The following IL17RD variants were observed in gnomAD, a reference collection of about 807,000 sequenced individuals.
IL17RD encodes the protein interleukin-17 receptor D.
Under a neutral mutation model 80.5 loss-of-function variants are expected in IL17RD, and 52 were observed. The observed-to-expected ratio is 0.65, with a 90% CI of 0.52 to 0.81. IL17RD has a LOEUF of 0.81. Among genes scored for constraint, IL17RD ranks in the 40% least tolerant of loss-of-function variants. IL17RD has a pLI of 0.00. For synonymous variants in IL17RD, 416 were observed against 391.8 expected (o/e 1.06, Z -0.73); for missense variants, 1,024 against 955.1 (o/e 1.07, Z -0.95).
chr3:57,105,701 T>C (rs931309591), intron 7 of IL17RD, among the ~76,000 whole-genome samples, 156 bp downstream of exon 7: 2 of 151,966 alleles, frequency 1.3e-5, no homozygotes, highest in Admixed American at 1.3e-4. Flanking sequence ...AGTGGCAAGA[T>C]GGCCCTGAGA....
intron 8 of IL17RD, among the ~76,000 whole-genome samples, chr3:57,103,567 A>G (rs893071156): frequency 6.6e-6 from 1 of 152,214 alleles, no homozygotes; most frequent in African/African-American, 2.4e-5. Flanking sequence ...GTTTCTACCA[A>G]AATGTTAAGA....
Position 57,107,357 on chromosome 3 carries a change from C to T in IL17RD, c.551-1203G>A, listed in dbSNP as rs1229138225. Among the ~76,000 whole-genome samples, 4 of 147,498 alleles carry T rather than the reference C, an allele frequency of 2.7e-5. No individual in the cohort carries two copies. In the South Asian group the frequency reaches 6.6e-4, roughly 24 times the overall value. On this transcript the variant is annotated intron_variant, in intron 5 of 12. Transcript: ENST00000296318. ...TCATGCCACTGCACTCCAGCCTGGG[C>T]GACAGAGCGAAACTCCATCTCGAAA...
intron 8 of IL17RD, 41 bp downstream of exon 8, chr3:57,104,281 AATTCTATATGAACTGGGTTC>A: frequency 1.7e-6 from 2 of 1,153,094 alleles, no homozygotes; most frequent in South Asian, 2.7e-5. Flanking sequence ...AAACAGTTGG[AATTCTATATGAACTGGGTTC>A]ATTCTATAGC....
intron 5 of IL17RD, among the ~76,000 whole-genome samples, chr3:57,109,134 G>GT (rs1328634718): frequency 6.6e-6 from 1 of 152,106 alleles, no homozygotes; most frequent in Non-Finnish European, 1.5e-5. Context: ...TATTTGGCAT[G>GT]TTTTTTGTTT....
chr3:57,104,093 C>A lies in IL17RD; in HGVS notation c.813+249G>T, dbSNP rs1208456834. Among the ~76,000 whole-genome samples, 4 of 151,930 alleles carry A rather than the reference C, an allele frequency of 2.6e-5. No homozygotes were observed. In the East Asian group the frequency reaches 7.7e-4, roughly 29 times the overall value. On this transcript the variant is annotated intron_variant, in intron 8 of 12. Coordinates refer to ENST00000296318, the MANE Select transcript of IL17RD (RefSeq NM_017563.5). ...TATATCTTTGTAGTATTAAGGAATA[C>A]TAGAGATTTTAAACCATGGTTATAT...
At chr3:57,101,149 G>A (rs748260062) in intron 11 of IL17RD, 30 bp downstream of exon 11, 1 of 1,595,942 alleles carries the variant, frequency 6.3e-7, no homozygotes, top group African/African-American at 1.3e-5. Flanking sequence ...GTCCTGGCCA[G>A]GGTAGGAGAA....
chr3:57,125,167 G>A (rs772820835), intron 1 of IL17RD, among the ~76,000 whole-genome samples: 3 of 152,186 alleles, frequency 2.0e-5, no homozygotes, highest in Admixed American at 6.5e-5. Flanking sequence ...AGCACTTTGG[G>A]AGGCCAAGGC....
intron 1 of IL17RD, among the ~76,000 whole-genome samples, chr3:57,124,935 G>C (rs1301425410): frequency 6.6e-6 from 1 of 152,186 alleles, no homozygotes; most frequent in African/African-American, 2.4e-5. Flanking sequence ...CATCAGAGCT[G>C]CCGCTTGAGA....
chr3:57,156,217 C>T (rs988847187), intron 1 of IL17RD, among the ~76,000 whole-genome samples: 3 of 152,120 alleles, frequency 2.0e-5, no homozygotes, highest in African/African-American at 7.2e-5. Context: ...GGACAGTGAG[C>T]AGCAAGTTGC....
At chr3:57,102,725 G>C (rs1382071802) in intron 9 of IL17RD, 136 bp from the exon 10 acceptor site, 1 of 484,736 alleles carries the variant, frequency 2.1e-6, no homozygotes, top group Non-Finnish European at 3.7e-6. Flanking sequence ...AGTGTGGTTT[G>C]GTGATTTAAA....
upstream of IL17RD, chr3:57,169,106 A>G: frequency 2.5e-6 from 1 of 400,472 alleles, no homozygotes; most frequent in Non-Finnish European, 5.0e-6. Flanking sequence ...AGCTAAAATG[A>G]GGGGACCAGG....
intron 2 of IL17RD, among the ~76,000 whole-genome samples, chr3:57,118,607 A>G (rs947515153): frequency 6.6e-6 from 1 of 152,206 alleles, no homozygotes; most frequent in Non-Finnish European, 1.5e-5. Context: ...TTATGAATGA[A>G]AGGAGCTGCT....
chr3:57,113,958 G>A (rs1365380382), intron 3 of IL17RD, among the ~76,000 whole-genome samples: 1 of 151,914 alleles, frequency 6.6e-6, no homozygotes, highest in Non-Finnish European at 1.5e-5. Context: ...GGCCGAGGCG[G>A]GCGGATCACG....
chr3:57,137,278 G>A (rs926738673), intron 1 of IL17RD, among the ~76,000 whole-genome samples: 2 of 152,172 alleles, frequency 1.3e-5, no homozygotes, highest in Non-Finnish European at 2.9e-5. Flanking sequence ...CTGAAAAGAT[G>A]GGCACCATAG....
At chr3:57,114,896 G>A (rs1326165038) in intron 2 of IL17RD, 79 bp from the exon 3 acceptor site, 24 of 1,244,604 alleles carry the variant, frequency 1.9e-5, no homozygotes, top group East Asian at 2.6e-5. Context: ...AAAATAAACA[G>A]GGCATGTCTG....
rs1706596107 is a variant in IL17RD at position 57,093,116 on chromosome 3, T to A, written c.*3277A>T. ...CTTCAGTTTGCCACAGTCCCCACCATTCCCTATTGCTGACACAGACAAAGT... is the reference window on the plus strand; with the variant it reads ...CTTCAGTTTGCCACAGTCCCCACCAATCCCTATTGCTGACACAGACAAAGT... On this transcript the variant is annotated 3_prime_UTR_variant, in exon 13 of 13. Transcript: ENST00000296318. The A allele has an allele frequency of 6.6e-6, 1 of 152,154 alleles. No individual in the cohort carries two copies. The highest frequency in any genetic ancestry group is 2.1e-4 in the South Asian group (1 of 4,826). The allele number at this position is 152,154 out of a possible 1,614,324, so 9.4% of individuals were successfully genotyped here.
Position 57,097,936 on chromosome 3 carries a change from A to G in IL17RD, c.1767T>C (p.Asn589=), listed in dbSNP as rs1350442106. 6.2e-7 allele frequency: 1 copy of G among 1,614,014 alleles called. No homozygotes were observed. Among genetic ancestry groups the G allele is most frequent in the South Asian group, 1.1e-5 (1 of 91,086 alleles). ...LEKFDSGLVL[N]DVMCKPGPES... is the part of the protein sequence containing the mutation. ...CAGGCCCTGGTTTGCACATGACATC[A>G]TTTAAAACCAAGCCCGAATCAAATT... is the stretch of plus-strand genomic sequence containing the variant. Residue 589 remains asparagine, a synonymous_variant, in exon 12 of 13, where the codon AAT becomes AAC. Transcript: ENST00000296318.
chr3:57,136,357 G>C (rs1707724629), intron 1 of IL17RD, among the ~76,000 whole-genome samples: 1 of 152,160 alleles, frequency 6.6e-6, no homozygotes. Flanking sequence ...GCCTGGCCAG[G>C]GATGGTGGCT....
Position 57,096,210 on chromosome 3 carries a change from A to G in IL17RD, c.*183T>C. The stretch of plus-strand genomic sequence containing the variant: ...GCTCCATATCATTTTAGAAAATTGG[A>G]GAGTTTGTCAAGATATCCGGTAAAG... On this transcript the variant is annotated 3_prime_UTR_variant, in exon 13 of 13. Transcript: ENST00000296318. The G allele has an allele frequency of 1.7e-6, 1 of 585,762 alleles. No homozygotes were observed. Among genetic ancestry groups the G allele is most frequent in the Non-Finnish European group, 3.1e-6 (1 of 321,894 alleles). The allele number at this position is 585,762 out of a possible 1,614,324, so 36.3% of individuals were successfully genotyped here.
Sources: allele counts gnomAD v4.1 joint callset (sites outside exome capture counted in the v4.1 genomes callset), GRCh38; gene constraint gnomAD v4.1.1; transcripts MANE v1.5; gene names NCBI Gene and HGNC (gene_info 2026-07-23, HGNC 2026-07-21).